Variants in FBN2 observed in about 807,000 individuals in gnomAD.
The protein encoded by FBN2 is fibrillin-2.
FBN2 carries 105 observed loss-of-function variants against 355.6 expected under a neutral mutation model. The ratio of observed to expected loss-of-function variants is 0.30; its 90% CI spans 0.25 to 0.35. FBN2 has a LOEUF of 0.35. Ranked by LOEUF, FBN2 falls within the 10% of genes least tolerant of loss-of-function variation. The probability of loss-of-function intolerance (pLI) is 1.00; values close to 1 mark genes in which losing one functional copy is unlikely to be tolerated. For synonymous variants in FBN2, 1,350 were observed against 1,301.2 expected (o/e 1.04, Z -0.81); for missense variants, 3,280 against 3,758.7 (o/e 0.87, Z 3.33).
chr5:128,337,963 T>C, intron 27 of FBN2, 34 bp downstream of exon 27: 5 of 1,612,530 alleles, frequency 3.1e-6, no homozygotes, highest in Non-Finnish European at 4.2e-6. Context: ...CCAGTTGTGC[T>C]GGGCAGGTTT....
At chr5:128,310,380 ATATATATATATATATATATATATT>A (rs1304607571) in intron 39 of FBN2, among the ~76,000 whole-genome samples, 2 of 12,206 alleles carry the variant, frequency 1.6e-4, no homozygotes, top group African/African-American at 3.8e-4. Context: ...ATATATATAT[ATATATATATATATATATATATATT>A]TTTTTTTTTT....
At chr5:128,449,190 T>C (rs1397299658) in intron 6 of FBN2, among the ~76,000 whole-genome samples, 1 of 150,664 alleles carries the variant, frequency 6.6e-6, no homozygotes. Flanking sequence ...TTATAACACA[T>C]AGAAGTAAAA....
chr5:128,372,887 A>T (rs970613086), intron 15 of FBN2, among the ~76,000 whole-genome samples: 1 of 152,162 alleles, frequency 6.6e-6, no homozygotes, highest in East Asian at 1.9e-4. Context: ...ATGGAATCCC[A>T]AAGTGTTGGG....
chr5:128,308,736 G>C (rs1749953216), intron 41 of FBN2, among the ~76,000 whole-genome samples: 1 of 152,070 alleles, frequency 6.6e-6, no homozygotes, highest in African/African-American at 2.4e-5. Flanking sequence ...AAATTTCACT[G>C]ATGTCTGAGG....
chr5:128,278,759 C>A lies in FBN2; in HGVS notation c.7221G>T (p.Lys2407Asn). ...MASSSRNLVT[K>N]SECCCDGGRG... ...GCCCACCATCACAGCAGCATTCTGA[C>A]TTAGTGACGAGATTGCGACTACTGG... The change falls in exon 57 of 65, where the codon AAG (lysine) becomes AAT (asparagine). Residue 2407 changes from lysine to asparagine, a missense_variant. Transcript: ENST00000262464. The A allele has an allele frequency of 1.9e-6, 3 of 1,614,134 alleles. No homozygotes were observed. The highest frequency in any genetic ancestry group is 1.7e-6 in the Non-Finnish European group (2 of 1,180,016).
At chr5:128,299,876 T>A (rs531991078) in intron 48 of FBN2, among the ~76,000 whole-genome samples, 1 of 152,160 alleles carries the variant, frequency 6.6e-6, no homozygotes, top group Non-Finnish European at 1.5e-5. Flanking sequence ...AACTTCTCAC[T>A]GAGATGATTC....
At chr5:128,313,487 C>T (rs1750114957) in intron 36 of FBN2, among the ~76,000 whole-genome samples, 1 of 152,072 alleles carries the variant, frequency 6.6e-6, no homozygotes, top group Non-Finnish European at 1.5e-5. Flanking sequence ...CAAAATCTGC[C>T]GTCTTCTCTC....
At chr5:128,383,852 G>C (rs192187240) in intron 11 of FBN2, among the ~76,000 whole-genome samples, 8 of 152,178 alleles carry the variant, frequency 5.3e-5, no homozygotes, top group Middle Eastern at 3.4e-3. Context: ...CTCATACACT[G>C]CTGCTAGAAA....
At chr5:128,448,795 T>C (rs1244819159) in intron 6 of FBN2, among the ~76,000 whole-genome samples, 1 of 152,194 alleles carries the variant, frequency 6.6e-6, no homozygotes, top group Non-Finnish European at 1.5e-5. Flanking sequence ...GTGAAAGTTG[T>C]CTATATTCCT....
chr5:128,443,899 C>G (rs987845337), intron 7 of FBN2, among the ~76,000 whole-genome samples: 1 of 152,026 alleles, frequency 6.6e-6, no homozygotes, highest in African/African-American at 2.4e-5. Flanking sequence ...GCAAACATTA[C>G]ATTTATGGCA....
intron 6 of FBN2, among the ~76,000 whole-genome samples, chr5:128,455,987 C>CAACAAAAAAAAAACAA (rs1352635802): frequency 1.9e-4 from 1 of 5,298 alleles, no homozygotes. Context: ...GGAGGGTTAG[C>CAACAAAAAAAAAACAA]AACAAAAAAA....
chr5:128,517,240 C>T (rs898610580), intron 5 of FBN2, among the ~76,000 whole-genome samples: 1 of 152,104 alleles, frequency 6.6e-6, no homozygotes, highest in African/African-American at 2.4e-5. Context: ...AATTTCTTTG[C>T]CAATTACAAA....
chr5:128,326,010 T>G (rs980630503), intron 34 of FBN2, among the ~76,000 whole-genome samples: 1 of 152,142 alleles, frequency 6.6e-6, no homozygotes, highest in African/African-American at 2.4e-5. Context: ...TATGGAAAAT[T>G]TGTTTTATTT....
intron 20 of FBN2, among the ~76,000 whole-genome samples, chr5:128,355,950 A>C (rs1751488703): frequency 6.6e-6 from 1 of 152,216 alleles, no homozygotes; most frequent in South Asian, 2.1e-4. Context: ...AAATAATGGA[A>C]GTCTACATGA....
intron 39 of FBN2, among the ~76,000 whole-genome samples, 179 bp from the exon 40 acceptor site, chr5:128,310,287 GA>G (rs1411056334): frequency 3.1e-5 from 4 of 130,258 alleles, no homozygotes; most frequent in African/African-American, 5.9e-5. Context: ...TTCTTCAAAA[GA>G]AAAAAATCCC....
In FBN2 at chr5:128,408,879, T is replaced by C. The variant is rs1027920008; in HGVS notation, c.953-80A>G. On this transcript the variant is annotated intron_variant, in intron 7 of 64. Transcript: ENST00000262464. ...TTAAAAGAGATTTTTTTTTTAAGAG[T>C]ATGAGAGCATTCATGGTTGATTAGG... 4.7e-6 allele frequency: 7 copies of C among 1,481,098 alleles called. No individual in the cohort carries two copies. In the African/African-American group the frequency reaches 8.3e-5, roughly 18 times the overall value. 91.7% of individuals were successfully genotyped at this position (1,481,098 alleles called of 1,614,324 possible). A position where few individuals can be genotyped will look rare whatever the true frequency, so the allele number is the denominator to read the frequency against.
At chr5:128,486,837 A>G (rs1755350081) in intron 5 of FBN2, among the ~76,000 whole-genome samples, 2 of 151,936 alleles carry the variant, frequency 1.3e-5, no homozygotes, top group Non-Finnish European at 2.9e-5. Context: ...TCATTGTTTA[A>G]TTCCCACCTA....
chr5:128,490,554 T>C (rs1581343207), intron 5 of FBN2, among the ~76,000 whole-genome samples: 1 of 152,230 alleles, frequency 6.6e-6, no homozygotes, highest in African/African-American at 2.4e-5. Context: ...AATGCTCACA[T>C]TGTAATATCA....
At chr5:128,280,168 T>C (rs748791466) in intron 56 of FBN2, 24 bp downstream of exon 56, 1 of 1,601,246 alleles carries the variant, frequency 6.2e-7, no homozygotes. Flanking sequence ...CTACCAAGTA[T>C]AATATATTTG....
Sources: allele counts gnomAD v4.1 joint callset (sites outside exome capture counted in the v4.1 genomes callset), GRCh38; gene constraint gnomAD v4.1.1; transcripts MANE v1.5; gene names NCBI Gene and HGNC (gene_info 2026-07-23, HGNC 2026-07-21).